The following GLIS3 variants were observed in gnomAD, a reference collection of about 807,000 sequenced individuals.
GLIS3 encodes the protein zinc finger protein GLIS3.
A neutral mutation model predicts 78.6 loss-of-function variants in GLIS3; 53 were observed. The observed-to-expected ratio is 0.67, with a 90% CI of 0.54 to 0.85. GLIS3 has a LOEUF of 0.85. GLIS3 is among the 40% of genes least tolerant of loss of function. The pLI, the probability that GLIS3 is intolerant of heterozygous loss-of-function variation, is 0.00. For missense variants in GLIS3, 1,703 were observed against 1,231.1 expected, an observed-to-expected ratio of 1.38 and a Z score of -5.74; for synonymous variants, 684 against 509.9, an observed-to-expected ratio of 1.34 and a Z score of -4.60.
chr9:4,009,237 C>T (rs1180432580), intron 4 of GLIS3, among the ~76,000 whole-genome samples: 39 of 152,192 alleles, frequency 2.6e-4, no homozygotes. Context: ...GGAGGCTGCC[C>T]ACCTCCCTCG....
chr9:4,309,725 A>AT (rs1817313355), intron 3 of GLIS3, among the ~76,000 whole-genome samples: 1 of 151,958 alleles, frequency 6.6e-6, no homozygotes, highest in Non-Finnish European at 1.5e-5. Context: ...ACTCTCATTT[A>AT]TTTTTTATCT....
At chr9:3,892,565 A>G (rs1822535446) in intron 7 of GLIS3, among the ~76,000 whole-genome samples, 1 of 152,202 alleles carries the variant, frequency 6.6e-6, no homozygotes, top group Non-Finnish European at 1.5e-5. Flanking sequence ...ATAATTCATT[A>G]ATGTCCCTTA....
intron 4 of GLIS3, among the ~76,000 whole-genome samples, chr9:3,975,967 G>A (rs368432354): frequency 9.9e-5 from 15 of 152,054 alleles, no homozygotes; most frequent in Non-Finnish European, 1.6e-4. Context: ...TAAATCTGTC[G>A]CTGTCTCATC....
At chr9:3,933,815 A>T (rs113305461) in intron 5 of GLIS3, among the ~76,000 whole-genome samples, 59 of 152,364 alleles carry the variant, frequency 3.9e-4, no homozygotes, top group African/African-American at 1.4e-3. Context: ...ACATTATTTG[A>T]CCTGCTAGAA....
At chr9:4,153,599 C>G (rs1834842323) in intron 2 of GLIS3, among the ~76,000 whole-genome samples, 1 of 152,006 alleles carries the variant, frequency 6.6e-6, no homozygotes, top group Admixed American at 6.6e-5. Flanking sequence ...AGAAGGAAGA[C>G]TAATTAAACT....
chr9:3,913,170 C>T (rs1824265274), intron 6 of GLIS3, among the ~76,000 whole-genome samples: 1 of 152,156 alleles, frequency 6.6e-6, no homozygotes, highest in South Asian at 2.1e-4. Context: ...CAGTGGATCT[C>T]ATTTTCTTCT....
At chr9:4,420,436 C>T in the GLIS3 span, among the ~76,000 whole-genome samples, 2 of 152,126 alleles carry the variant, frequency 1.3e-5, no homozygotes, top group African/African-American at 2.4e-5. Flanking sequence ...GCATCTTGAA[C>T]CTCAAACCAT....
rs73384214 is a variant in GLIS3 at position 3,867,456 on chromosome 9, C to T, written c.2298-11272G>A. Among the ~76,000 whole-genome samples, 1,083 of 152,250 alleles carry T rather than the reference C, an allele frequency of 7.1e-3. 18 individuals are homozygous for T. The highest frequency in any genetic ancestry group is 0.025 in the African/African-American group (1,047 of 41,552). On this transcript the variant is annotated intron_variant, in intron 8 of 10. Transcript: ENST00000381971. ...AACTGATATTTGCCAGAGGATGAAG[C>T]GTGGCTTTGGCCATGGATCCTCAAT...
At chr9:4,375,600 G>A in the GLIS3 span, among the ~76,000 whole-genome samples, 7 of 152,258 alleles carry the variant, frequency 4.6e-5, no homozygotes, top group Admixed American at 1.3e-4. Flanking sequence ...AATGTGTAAG[G>A]ATGTAAAAAG....
chr9:4,349,536 T>C (rs1431701466), upstream of GLIS3, among the ~76,000 whole-genome samples: 1 of 152,158 alleles, frequency 6.6e-6, no homozygotes, highest in Non-Finnish European at 1.5e-5. Flanking sequence ...AATCCCTGTA[T>C]GCTAGATGAC....
intron 4 of GLIS3, among the ~76,000 whole-genome samples, chr9:4,057,402 A>C (rs191866453): frequency 6.9e-4 from 105 of 152,322 alleles, no homozygotes; most frequent in Middle Eastern, 3.4e-3. Flanking sequence ...TAAAGATATC[A>C]TAACATTTTT....
rs764072714 is a variant in GLIS3, at chr9:4,118,264, G to A, written c.1214C>T (p.Pro405Leu). Residue 405 changes from proline (P) to leucine (L), a missense_variant, in exon 4 of 11, where the codon CCA becomes CTA. Transcript: ENST00000381971. The surrounding 1 kb of genome is among the most constrained non-coding windows in gnomAD (Gnocchi z 4.7). ...CACCACCATGTGGTTGACCAGGCCTGGCTGCAGGCCGCCGTGCTCCAGCTG... is the reference window on the plus strand; with the variant it reads ...CACCACCATGTGGTTGACCAGGCCTAGCTGCAGGCCGCCGTGCTCCAGCTG... ...MQQLEHGGLQ[P>L]GLVNHMVVQH... is the part of the protein sequence containing the mutation. 145 of 1,589,128 alleles carry A rather than the reference G, an allele frequency of 9.1e-5. No individual in the cohort carries two copies. The highest frequency in any genetic ancestry group is 1.1e-4 in the Non-Finnish European group (132 of 1,168,508).
chr9:4,249,009 C>T (rs1237644498), intron 2 of GLIS3, among the ~76,000 whole-genome samples: 5 of 152,108 alleles, frequency 3.3e-5, no homozygotes, highest in East Asian at 1.9e-4. Context: ...GGTACAAGTA[C>T]CATGCTGTTT....
the GLIS3 span, among the ~76,000 whole-genome samples, chr9:4,392,731 T>G: frequency 6.6e-6 from 1 of 152,224 alleles, no homozygotes; most frequent in Non-Finnish European, 1.5e-5. Flanking sequence ...CTGAATGAAT[T>G]AATTATTTGC....
intron 2 of GLIS3, among the ~76,000 whole-genome samples, chr9:4,219,792 C>T (rs1056198520): frequency 1.3e-5 from 2 of 152,150 alleles, no homozygotes; most frequent in Non-Finnish European, 2.9e-5. Context: ...CAGGTCCACG[C>T]AGAGCAAAGC....
chr9:4,019,017 G>C (rs952423881), intron 4 of GLIS3, among the ~76,000 whole-genome samples: 1 of 152,218 alleles, frequency 6.6e-6, no homozygotes, highest in African/African-American at 2.4e-5. Context: ...CGCAGGGCTG[G>C]TGAGGGGCAA....
rs1827153034 is a variant in GLIS3, at chr9:4,066,966, C to T, written c.1710+50802G>A. On this transcript the variant is annotated intron_variant, in intron 4 of 10. Transcript: ENST00000381971. ...TTGTTCAACAGCTCTGGCCCACCAG[C>T]AACTCACAAACCTGTCCACCACACA... Among the ~76,000 whole-genome samples the T allele has an allele frequency of 2.6e-5, 4 of 152,180 alleles. No individual in the cohort carries two copies. In the South Asian group the frequency reaches 8.3e-4, roughly 32 times the overall value.
the GLIS3 span, among the ~76,000 whole-genome samples, chr9:4,385,810 AAAAGAAAGAAAGAG>A: frequency 4.1e-4 from 17 of 41,550 alleles, 1 homozygote; most frequent in African/African-American, 1.9e-3. Flanking sequence ...AGAAAGAAAG[AAAAGAAAGAAAGAG>A]AAAAGAAAGA....
chr9:3,940,271 T>C (rs1477478423), intron 4 of GLIS3, among the ~76,000 whole-genome samples: 2 of 152,204 alleles, frequency 1.3e-5, no homozygotes, highest in African/African-American at 4.8e-5. Context: ...CTTTTATCCT[T>C]CTTATTTTTT....
Sources: allele counts gnomAD v4.1 joint callset (sites outside exome capture counted in the v4.1 genomes callset), GRCh38; gene constraint gnomAD v4.1.1; non-coding constraint Gnocchi (gnomAD v3.1); transcripts MANE v1.5; gene names NCBI Gene and HGNC (gene_info 2026-07-23, HGNC 2026-07-21).